Variants in PLB1 observed in about 807,000 individuals in gnomAD.
PLB1 encodes the protein phospholipase B1, membrane-associated.
A neutral mutation model predicts 227.4 loss-of-function variants in PLB1; 242 were observed. The observed-to-expected ratio is 1.06, with a 90% CI of 0.96 to 1.18. The LOEUF (loss-of-function observed/expected upper bound fraction) is 1.18, where lower values mean the gene tolerates loss of function less well. Ranked by LOEUF, PLB1 falls within the 50% of genes most tolerant of loss-of-function variation. The pLI is 0.00. For missense variants in PLB1, 1,858 were observed against 1,816.3 expected (o/e 1.02, Z -0.42); for synonymous variants, 757 against 682.2 (o/e 1.11, Z -1.71).
intron 54 of PLB1, among the ~76,000 whole-genome samples, chr2:28,631,521 C>T (rs1688634935): frequency 6.6e-6 from 1 of 152,200 alleles, no homozygotes; most frequent in Non-Finnish European, 1.5e-5. Context: ...AAGATAAGTA[C>T]ATCTAGTCTG....
At chr2:28,541,636 T>G in intron 12 of PLB1, 71 bp from the exon 13 acceptor site, 1 of 1,146,434 alleles carries the variant, frequency 8.7e-7, no homozygotes. Flanking sequence ...CGAGAATGAT[T>G]TGGTCAGGTC....
chr2:28,537,758 T>C (rs1671895960), intron 9 of PLB1, among the ~76,000 whole-genome samples: 1 of 151,278 alleles, frequency 6.6e-6, no homozygotes, highest in Non-Finnish European at 1.5e-5. Context: ...GGTGTGTGTG[T>C]TGGGTGCGTG....
chr2:28,596,910 A>G (rs540884517), intron 33 of PLB1, among the ~76,000 whole-genome samples: 50 of 152,348 alleles, frequency 3.3e-4, no homozygotes, highest in Middle Eastern at 6.8e-3. Context: ...ACTATGACTC[A>G]TGGCCTGTCC....
intron 43 of PLB1, among the ~76,000 whole-genome samples, chr2:28,608,199 C>T (rs1465294314): frequency 6.6e-6 from 1 of 152,236 alleles, no homozygotes; most frequent in Non-Finnish European, 1.5e-5. Flanking sequence ...TGCTAAGCAA[C>T]ATTGGAGCCC....
rs767552659 is a variant in PLB1 at position 28,566,787 on chromosome 2, A to C, written c.1281-9A>C. ...ACCCTTCATTTTCTTTCTTGGACCC[A>C]CGTTACAGCGTCGGCGGAGATGAGA... is the stretch of plus-strand genomic sequence containing the variant. On this transcript the variant is annotated splice_polypyrimidine_tract_variant and intron_variant, in intron 19 of 57. Transcript: ENST00000327757. The C allele has an allele frequency of 2.9e-5, 46 of 1,613,838 alleles. No individual in the cohort carries two copies. The highest frequency in any genetic ancestry group is 3.8e-5 in the Non-Finnish European group (45 of 1,179,960).
intron 36 of PLB1, 144 bp downstream of exon 36, chr2:28,601,004 G>A (rs994722439): frequency 2.5e-6 from 2 of 805,774 alleles, no homozygotes; most frequent in Non-Finnish European, 4.0e-6. Context: ...CCCTGACAGA[G>A]GTCCTGTGGA....
intron 55 of PLB1, among the ~76,000 whole-genome samples, chr2:28,632,648 C>G (rs181458303): frequency 6.6e-6 from 1 of 151,848 alleles, no homozygotes. Context: ...GTTAGCTGGG[C>G]GTGATGGCAG....
chr2:28,623,947 A>G (rs2148330658), intron 49 of PLB1, among the ~76,000 whole-genome samples: 1 of 152,298 alleles, frequency 6.6e-6, no homozygotes, highest in African/African-American at 2.4e-5. Context: ...AATACAAAAA[A>G]TTAGCCGGGC....
At chr2:28,526,045 T>C (rs1670217475) in intron 6 of PLB1, 100 bp downstream of exon 6, 14 of 1,366,352 alleles carry the variant, frequency 1.0e-5, no homozygotes, top group Non-Finnish European at 1.4e-5. Context: ...CCAGCCACTT[T>C]ATCACTGGAG....
intron 20 of PLB1, among the ~76,000 whole-genome samples, chr2:28,572,659 T>C (rs547664859): frequency 3.8e-4 from 57 of 151,932 alleles, no homozygotes; most frequent in Non-Finnish European, 7.5e-4. Context: ...ACAAAAGGTA[T>C]GTTGGGGTAT....
intron 13 of PLB1, 83 bp from the exon 14 acceptor site, chr2:28,543,129 C>CAG: frequency 2.8e-6 from 4 of 1,442,886 alleles, no homozygotes; most frequent in Non-Finnish European, 3.8e-6. Flanking sequence ...AACTCTATGC[C>CAG]AGAGAGAGCT....
At chr2:28,631,897 C>T (rs1473419763) in intron 54 of PLB1, 139 bp from the exon 55 acceptor site, 1 of 657,518 alleles carries the variant, frequency 1.5e-6, no homozygotes, top group Non-Finnish European at 2.7e-6. Context: ...ATGTTTGCAT[C>T]CCACTAGAGT....
Position 28,620,966 on chromosome 2 carries a change from G to C in PLB1, c.3515G>C (p.Gly1172Ala), listed in dbSNP as rs1432787870. The C allele has an allele frequency of 6.2e-7, 1 of 1,612,184 alleles. No homozygotes were observed. Among genetic ancestry groups the C allele is most frequent in the Non-Finnish European group, 8.5e-7 (1 of 1,178,810 alleles). Residue 1172 changes from glycine (G) to alanine (A), a missense_variant, in exon 49 of 58, where the codon GGG (glycine) becomes GCG (alanine). Coordinates refer to ENST00000327757, the MANE Select transcript of PLB1 (RefSeq NM_153021.5). ...GCAGGACTAAATGTGGCAGCGGAAGGGGCCAGAGCTAGGTGAGTAGATGCC... is the reference window on the plus strand; with the variant it reads ...GCAGGACTAAATGTGGCAGCGGAAGCGGCCAGAGCTAGGTGAGTAGATGCC... ...GTAGLNVAAE[G>A]ARARDMPAQA...
At chr2:28,552,403 G>A (rs1674395572) in intron 16 of PLB1, among the ~76,000 whole-genome samples, 1 of 152,344 alleles carries the variant, frequency 6.6e-6, no homozygotes, top group South Asian at 2.1e-4. Flanking sequence ...CCATGCTAGG[G>A]AGATTGGACT....
At chr2:28,599,287 C>T (rs878874819) in intron 35 of PLB1, among the ~76,000 whole-genome samples, 1 of 152,338 alleles carries the variant, frequency 6.6e-6, no homozygotes, top group Non-Finnish European at 1.5e-5. Flanking sequence ...CTGGGGTGGG[C>T]TCCAAAGGGG....
At chr2:28,590,217 C>T in intron 29 of PLB1, 141 bp downstream of exon 29, 2 of 746,356 alleles carry the variant, frequency 2.7e-6, no homozygotes, top group South Asian at 3.3e-5. Flanking sequence ...CCCAAATGCC[C>T]CATCTGGTTG....
At chr2:28,557,171 T>A (rs1055623166) in intron 17 of PLB1, among the ~76,000 whole-genome samples, 4 of 152,090 alleles carry the variant, frequency 2.6e-5, no homozygotes, top group African/African-American at 7.2e-5. Flanking sequence ...CCCAAGACAC[T>A]TAGAGAAGTG....
chr2:28,598,109 C>T, intron 34 of PLB1, 61 bp downstream of exon 34: 1 of 1,405,654 alleles, frequency 7.1e-7, no homozygotes, highest in Non-Finnish European at 9.8e-7. Context: ...CCCTTGGCTT[C>T]CCGAAAGTGC....
At chr2:28,561,639 C>T (rs1374610386) in intron 17 of PLB1, among the ~76,000 whole-genome samples, 1 of 152,154 alleles carries the variant, frequency 6.6e-6, no homozygotes, top group Non-Finnish European at 1.5e-5. Flanking sequence ...GCCTGTAATC[C>T]CAGCATTTTG....
Sources: allele counts gnomAD v4.1 joint callset (sites outside exome capture counted in the v4.1 genomes callset), GRCh38; gene constraint gnomAD v4.1.1; transcripts MANE v1.5; gene names NCBI Gene and HGNC (gene_info 2026-07-23, HGNC 2026-07-21).